Variants in SLC12A3 observed in about 807,000 individuals in gnomAD.
SLC12A3 encodes the protein Na-Cl cotransporter.
A neutral mutation model predicts 121.0 loss-of-function variants in SLC12A3; 104 were observed. The ratio of observed to expected loss-of-function variants is 0.86; its 90% CI spans 0.73 to 1.01. The LOEUF (loss-of-function observed/expected upper bound fraction) is 1.01, where lower values mean the gene tolerates loss of function less well. Among genes scored for constraint, SLC12A3 ranks in the 50% least tolerant of loss-of-function variants. SLC12A3 has a pLI of 0.00. For missense variants in SLC12A3, 1,328 were observed against 1,356.3 expected (o/e 0.98, Z 0.33); for synonymous variants, 536 against 533.4 (o/e 1.00, Z -0.07).
chr16:56,887,035 C>T lies in SLC12A3; in HGVS notation c.2120C>T (p.Ala707Val). The change falls in exon 17 of 26, where the codon GCC (alanine) becomes GTC (valine). Residue 707 changes from alanine to valine, a missense_variant. Transcript: ENST00000563236. ...TKWLNKRKIKAFYSDVIAEDL... is the reference protein window; with the variant it reads ...TKWLNKRKIKVFYSDVIAEDL... The stretch of plus-strand genomic sequence containing the variant: ...TGGCTGAACAAGAGGAAGATCAAGG[C>T]CTTCTACTCGGATGTCATTGCCGAG... The T allele has an allele frequency of 6.2e-7, 1 of 1,613,978 alleles. No individual in the cohort carries two copies. The highest frequency in any genetic ancestry group is 8.5e-7 in the Non-Finnish European group (1 of 1,180,032).
intron 8 of SLC12A3, among the ~76,000 whole-genome samples, chr16:56,877,123 G>A (rs1465238288): frequency 6.6e-6 from 1 of 152,226 alleles, no homozygotes; most frequent in Non-Finnish European, 1.5e-5. Context: ...CGGGCGCGGG[G>A]GCTCACGCCT....
At chr16:56,896,570 G>A (rs1357772043) in intron 22 of SLC12A3, among the ~76,000 whole-genome samples, 3 of 151,898 alleles carry the variant, frequency 2.0e-5, no homozygotes, top group Admixed American at 1.3e-4. Context: ...AACATAGTGA[G>A]AGCCCATCTC....
chr16:56,907,070 C>A, intron 25 of SLC12A3: 1 of 190,486 alleles, frequency 5.2e-6, no homozygotes, highest in Non-Finnish European at 1.1e-5. Context: ...GGCACCAGCA[C>A]CAGTTACTCT....
intron 20 of SLC12A3, among the ~76,000 whole-genome samples, chr16:56,892,676 C>A (rs188417018): frequency 3.0e-4 from 45 of 152,208 alleles, no homozygotes; most frequent in African/African-American, 1.1e-3. Context: ...GTGAAGGGTG[C>A]AGGAGGTGTT....
chr16:56,906,987 G>A (rs1381484953), intron 25 of SLC12A3: 1 of 233,402 alleles, frequency 4.3e-6, no homozygotes, highest in Non-Finnish European at 8.3e-6. Context: ...TGCAGCCATT[G>A]TGGATTTTTT....
At chr16:56,873,580 G>A (rs2055130055) in intron 8 of SLC12A3, among the ~76,000 whole-genome samples, 1 of 151,048 alleles carries the variant, frequency 6.6e-6, no homozygotes, top group Non-Finnish European at 1.5e-5. Flanking sequence ...TAGAGATGGA[G>A]TTTTGCTATG....
Position 56,865,274 on chromosome 16 carries a change from C to T in SLC12A3, c.39C>T (p.Ala13=). 1.2e-6 allele frequency: 2 copies of T among 1,613,918 alleles called. No individual in the cohort carries two copies. Among genetic ancestry groups the T allele is most frequent in the Non-Finnish European group, 1.7e-6 (2 of 1,180,046 alleles). The part of the protein sequence containing the change: ...ELPTTETPGD[A]TLCSGRFTIS... The stretch of plus-strand genomic sequence containing the variant: ...CCACAACAGAGACGCCTGGGGACGC[C>T]ACTTTGTGCAGCGGGCGCTTCACCA... The change falls in exon 1 of 26, where the codon GCC becomes GCT. Residue 13 remains alanine (A), a synonymous_variant. Coordinates refer to ENST00000563236, the MANE Select transcript of SLC12A3 (RefSeq NM_001126108.2).
In SLC12A3 at chr16:56,868,359, C is replaced by T; in HGVS notation, c.492C>T (p.Ala164=). 6.2e-7 allele frequency: 1 copy of T among 1,613,202 alleles called. No individual in the cohort carries two copies. The highest frequency in any genetic ancestry group is 1.3e-5 in the African/African-American group (1 of 75,032). ...ACCTGCGGCTGCCCTGGATTACGGC[C>T]CAGGCAGGCATCGGTGAGTGCCCCT... is the stretch of plus-strand genomic sequence containing the variant. ...ILYLRLPWIT[A]QAGIVLTWII... The change falls in exon 3 of 26, where the codon GCC becomes GCT. Residue 164 remains alanine, a synonymous_variant. Transcript: ENST00000563236.
In SLC12A3 at chr16:56,869,823, A is replaced by G. The variant is rs757695752; in HGVS notation, c.600A>G (p.Ser200=). The stretch of plus-strand genomic sequence containing the variant: ...TCTCCACCAATGGCAAGGTCAAGTC[A>G]GGTGGGCCATCCCCCTTTCCACCAA... The part of the protein sequence containing the change: ...SAISTNGKVK[S]GGTYFLISRS... The change falls in exon 4 of 26, where the codon TCA becomes TCG. Residue 200 remains serine, a splice_region_variant and synonymous_variant. Transcript: ENST00000563236. 2 of 1,613,576 alleles carry G rather than the reference A, an allele frequency of 1.2e-6. No homozygotes were observed. Among genetic ancestry groups the G allele is most frequent in the South Asian group, 1.1e-5 (1 of 91,066 alleles).
chr16:56,907,091 G>T (rs2055617608), intron 25 of SLC12A3: 1 of 173,636 alleles, frequency 5.8e-6, no homozygotes, highest in Non-Finnish European at 1.2e-5. Flanking sequence ...TCATTGACAG[G>T]ACAGAGGTAA....
At chr16:56,892,171 C>A in intron 20 of SLC12A3, 38 bp downstream of exon 20, 1 of 1,607,082 alleles carries the variant, frequency 6.2e-7, no homozygotes, top group Non-Finnish European at 8.5e-7. Flanking sequence ...GTCAGTGTTC[C>A]CACTCAGAGC....
At chr16:56,878,414 T>A (rs2144709878) in intron 9 of SLC12A3, among the ~76,000 whole-genome samples, 1 of 152,148 alleles carries the variant, frequency 6.6e-6, no homozygotes, top group South Asian at 2.1e-4. Flanking sequence ...TTGGGTCCCT[T>A]GAAGGCCCAG....
chr16:56,868,192 C>G, intron 2 of SLC12A3, 105 bp from the exon 3 acceptor site: 1 of 1,048,596 alleles, frequency 9.5e-7, no homozygotes, highest in Non-Finnish European at 1.4e-6. Context: ...CCCAGGTGTC[C>G]CTAGGGCCTA....
chr16:56,901,728 A>G (rs1348225595), intron 23 of SLC12A3, among the ~76,000 whole-genome samples: 1 of 152,158 alleles, frequency 6.6e-6, no homozygotes, highest in African/African-American at 2.4e-5. Flanking sequence ...GCAGATAAGG[A>G]AGCCCTGCCC....
At chr16:56,893,866 C>T (rs2055423436) in intron 21 of SLC12A3, among the ~76,000 whole-genome samples, 1 of 152,154 alleles carries the variant, frequency 6.6e-6, no homozygotes, top group Non-Finnish European at 1.5e-5. Context: ...CAACCTCCGC[C>T]TCCTGGGTTC....
Position 56,878,095 on chromosome 16 carries a change from C to T in SLC12A3, c.1114C>T (p.Pro372Ser). 3 of 1,558,710 alleles carry T rather than the reference C, an allele frequency of 1.9e-6. No homozygotes were observed. The highest frequency in any genetic ancestry group is 1.4e-5 in the African/African-American group (1 of 71,434). ...CCTTCAGGACCCTGCTATAGCCATC[C>T]CCAAGGGGACCCTCATGGCCATTTT... ...GDLKDPAIAI[P>S]KGTLMAIFWT... The change falls in exon 9 of 26, where the codon CCC (proline) becomes TCC (serine). Residue 372 changes from proline (P) to serine (S), a missense_variant. Pro to Ser is a moderately conservative substitution (Grantham distance 74, BLOSUM62 -1). Coordinates refer to ENST00000563236, the MANE Select transcript of SLC12A3 (RefSeq NM_001126108.2).
intron 14 of SLC12A3, 97 bp downstream of exon 14, chr16:56,884,301 C>G: frequency 7.7e-7 from 1 of 1,294,680 alleles, no homozygotes; most frequent in Non-Finnish European, 1.1e-6. Flanking sequence ...CTGAGTCCGG[C>G]TCTGTGCTGT....
At position 56,915,030 on chromosome 16, in the gene SLC12A3, G is replaced by A. The variant is rs1016890754; in HGVS notation, c.*1625G>A. 2 of 152,230 alleles carry A rather than the reference G, an allele frequency of 1.3e-5. No homozygotes were observed. Among genetic ancestry groups the A allele is most frequent in the East Asian group, 1.9e-4 (1 of 5,200 alleles). 9.4% of individuals were successfully genotyped at this position (152,230 alleles called of 1,614,324 possible). ...GAGAAAGGACCTATACCTGGCTCAC[G>A]GAAGGCCTTCAGGTCACTACACGTT... is the stretch of plus-strand genomic sequence containing the variant. On this transcript the variant is annotated 3_prime_UTR_variant, in exon 26 of 26. Transcript: ENST00000563236.
intron 4 of SLC12A3, 93 bp downstream of exon 4, chr16:56,869,917 C>CA: frequency 7.2e-7 from 1 of 1,381,396 alleles, no homozygotes. Flanking sequence ...ATGGTACACC[C>CA]AGCCGCTCCT....
Sources: allele counts gnomAD v4.1 joint callset (sites outside exome capture counted in the v4.1 genomes callset), GRCh38; gene constraint gnomAD v4.1.1; transcripts MANE v1.5; gene names NCBI Gene and HGNC (gene_info 2026-07-23, HGNC 2026-07-21).